Variants in TEX15 observed in about 807,000 individuals in gnomAD.
TEX15 encodes the protein testis-expressed protein 15.
A neutral mutation model predicts 237.3 loss-of-function variants in TEX15; 171 were observed. The ratio of observed to expected loss-of-function variants is 0.72; its 90% CI spans 0.64 to 0.82. The LOEUF (loss-of-function observed/expected upper bound fraction) is 0.82, where lower values mean the gene tolerates loss of function less well. Among genes scored for constraint, TEX15 ranks in the 40% least tolerant of loss-of-function variants. The pLI, the probability that TEX15 is intolerant of heterozygous loss-of-function variation, is 0.00. For missense variants in TEX15, 3,750 were observed against 3,646.5 expected (o/e 1.03, Z -0.73); for synonymous variants, 1,338 against 1,269.8 (o/e 1.05, Z -1.14).
chr8:30,849,370 T>C, intron 7 of TEX15, 54 bp from the exon 8 acceptor site: 1 of 990,374 alleles, frequency 1.0e-6, no homozygotes, highest in Non-Finnish European at 1.4e-6. Flanking sequence ...TATAGACAAC[T>C]ATTAATACAG....
Position 30,844,374 on chromosome 8 carries a change from A to G in TEX15, c.5793T>C (p.Ser1931=). 6.2e-7 allele frequency: 1 copy of G among 1,610,022 alleles called. No individual in the cohort carries two copies. Among genetic ancestry groups the G allele is most frequent in the Non-Finnish European group, 8.5e-7 (1 of 1,178,506 alleles). The change falls in exon 8 of 11, where the codon AGT becomes AGC. Residue 1931 remains serine (S), a synonymous_variant. Coordinates refer to ENST00000643185, the MANE Select transcript of TEX15 (RefSeq NM_001350162.2). ...ATGTCAAGTCAGACTGCGAGTCTTT[A>G]CTAACTTTAATTTCCCCCTTCTTCT... The part of the protein sequence containing the change: ...KREKKGEIKV[S]KDSQSDLTLH...
At chr8:30,902,715 T>C (rs1408619187) in intron 1 of TEX15, among the ~76,000 whole-genome samples, 1 of 152,212 alleles carries the variant, frequency 6.6e-6, no homozygotes, top group Non-Finnish European at 1.5e-5. Context: ...GAGGGCTTAT[T>C]AAAATACAGA....
Position 30,843,392 on chromosome 8 carries a change from G to A in TEX15, c.6775C>T (p.Arg2259Cys), listed in dbSNP as rs768367151. The A allele has an allele frequency of 2.4e-5, 38 of 1,612,728 alleles. No individual in the cohort carries two copies. Among genetic ancestry groups the A allele is most frequent in the South Asian group, 5.5e-5 (5 of 91,046 alleles). ...VNFIKNNEAV[R>C]VKISLYGLEH... The stretch of plus-strand genomic sequence containing the variant: ...AGACCATAAAGAGATATTTTAACAC[G>A]TACTGCCTCGTTGTTCTTAATAAAA... Residue 2259 changes from arginine (R) to cysteine (C), a missense_variant, in exon 8 of 11, where the codon CGT becomes TGT. Transcript: ENST00000643185.
intron 1 of TEX15, among the ~76,000 whole-genome samples, chr8:30,905,014 C>A (rs750550735): frequency 2.6e-5 from 4 of 152,094 alleles, no homozygotes; most frequent in Admixed American, 6.6e-5. Flanking sequence ...TAGGTACTTA[C>A]ATTAAATGTG....
In TEX15 at chr8:30,843,062, T is replaced by C. The variant is rs1297592101; in HGVS notation, c.7105A>G (p.Ile2369Val). ...FNSNLLAHPD[I>V]CCISEILDQA... Reference sequence around the variant, plus strand: ...TCCAATATCTCACTAATACAACAAATATCTGGGTGTGCAAGCAAATTACTG... The same window carrying C: ...TCCAATATCTCACTAATACAACAAACATCTGGGTGTGCAAGCAAATTACTG... The change falls in exon 8 of 11, where the codon ATT becomes GTT. Residue 2369 changes from isoleucine (I) to valine (V), a missense_variant. Physicochemically the swap from Ile to Val is conservative, Grantham distance 29. Transcript: ENST00000643185. 6 of 1,613,470 alleles carry C rather than the reference T, an allele frequency of 3.7e-6. No individual in the cohort carries two copies. Among genetic ancestry groups the C allele is most frequent in the East Asian group, 4.5e-5 (2 of 44,834 alleles).
intron 7 of TEX15, among the ~76,000 whole-genome samples, chr8:30,850,557 T>G (rs1484026176): frequency 6.6e-6 from 1 of 152,202 alleles, no homozygotes; most frequent in African/African-American, 2.4e-5. Context: ...ATTTGTGATT[T>G]TATTACTTAC....
chr8:30,877,894 G>C (rs900747763), intron 3 of TEX15, among the ~76,000 whole-genome samples: 1 of 152,054 alleles, frequency 6.6e-6, no homozygotes, highest in Admixed American at 6.6e-5. Context: ...ATCACCCTAA[G>C]ATACAGAACT....
Position 30,837,158 on chromosome 8 carries a change from A to G in TEX15, c.9126T>C (p.Ser3042=), listed in dbSNP as rs1169473023. 1.9e-6 allele frequency: 3 copies of G among 1,614,094 alleles called. No homozygotes were observed. Among genetic ancestry groups the G allele is most frequent in the East Asian group, 2.2e-5 (1 of 44,870 alleles). The change falls in exon 10 of 11, where the codon TCT becomes TCC. Residue 3042 remains serine (S), a synonymous_variant. Transcript: ENST00000643185. ...EHLFGTSYPY[S]AWCVYQYSNS... is the part of the protein sequence containing the mutation. ...TGCTGTACTGATAAACACACCAAGC[A>G]GAGTATGGATATGAAGTTCCAAATA...
intron 3 of TEX15, among the ~76,000 whole-genome samples, chr8:30,884,177 T>C (rs1808597162): frequency 6.6e-6 from 1 of 152,230 alleles, no homozygotes; most frequent in Non-Finnish European, 1.5e-5. Flanking sequence ...CACCAGCATC[T>C]ATTGTTTCTT....
In TEX15 at chr8:30,847,235, A is replaced by G. The variant is rs775490733; in HGVS notation, c.2932T>C (p.Cys978Arg). ...TFPKTASSSVCVASNAAIQIA... is the reference protein window; with the variant it reads ...TFPKTASSSVRVASNAAIQIA... ...TGTATTGCAGCATTTGAGGCTACAC[A>G]CACTGAAGAACTTGCAGTTTTGGGA... is the stretch of plus-strand genomic sequence containing the variant. Residue 978 changes from cysteine to arginine, a missense_variant, in exon 8 of 11, where the codon TGT (cysteine) becomes CGT (arginine). By Grantham distance (180) the Cys-to-Arg change is radical. Coordinates refer to ENST00000643185, the MANE Select transcript of TEX15 (RefSeq NM_001350162.2). 4 of 1,613,886 alleles carry G rather than the reference A, an allele frequency of 2.5e-6. No homozygotes were observed. The highest frequency in any genetic ancestry group is 3.3e-5 in the Admixed American group (2 of 59,988).
chr8:30,838,285 T>A (rs796492367), intron 9 of TEX15, among the ~76,000 whole-genome samples: 9 of 152,280 alleles, frequency 5.9e-5, no homozygotes, highest in African/African-American at 2.2e-4. Flanking sequence ...ATTTTAAATA[T>A]ATTTCCAATA....
At chr8:30,872,706 T>C (rs1352057864) in intron 4 of TEX15, among the ~76,000 whole-genome samples, 1 of 152,024 alleles carries the variant, frequency 6.6e-6, no homozygotes, top group African/African-American at 2.4e-5. Flanking sequence ...TAGGCTTATG[T>C]GTGTGTTTGT....
At chr8:30,912,456 G>T (rs998744416) in intron 1 of TEX15, among the ~76,000 whole-genome samples, 1 of 152,208 alleles carries the variant, frequency 6.6e-6, no homozygotes, top group Non-Finnish European at 1.5e-5. Flanking sequence ...CAGGGAGCCA[G>T]GGCGAGGCGG....
intron 7 of TEX15, among the ~76,000 whole-genome samples, chr8:30,850,583 A>G (rs892145655): frequency 6.6e-6 from 1 of 152,222 alleles, no homozygotes; most frequent in African/African-American, 2.4e-5. Flanking sequence ...GCTATCATGG[A>G]AATATGACCA....
chr8:30,860,205 C>T (rs77923393), intron 5 of TEX15, 148 bp from the exon 6 acceptor site: 12,530 of 624,134 alleles, frequency 0.02, 158 homozygotes, highest in Middle Eastern at 0.028. Context: ...GTTGCAGGCT[C>T]GACCTCTCAG....
At chr8:30,852,231 G>A (rs1441543565) in intron 7 of TEX15, among the ~76,000 whole-genome samples, 5 of 142,590 alleles carry the variant, frequency 3.5e-5, no homozygotes, top group East Asian at 2.2e-4. Context: ...CAGCCTCTCC[G>A]AGTAGCTGGG....
chr8:30,872,069 T>C (rs1353457324), intron 4 of TEX15, among the ~76,000 whole-genome samples: 3 of 152,062 alleles, frequency 2.0e-5, no homozygotes, highest in Admixed American at 1.3e-4. Flanking sequence ...GTTCAGACAA[T>C]GGGTGAGAGT....
chr8:30,878,369 C>A (rs1432425089), intron 3 of TEX15, among the ~76,000 whole-genome samples: 6 of 151,796 alleles, frequency 4.0e-5, no homozygotes, highest in Non-Finnish European at 8.8e-5. Context: ...GATCATATGG[C>A]AGTTGCATGC....
At chr8:30,892,480 T>A (rs1399906029) in intron 2 of TEX15, among the ~76,000 whole-genome samples, 2 of 152,326 alleles carry the variant, frequency 1.3e-5, no homozygotes, top group East Asian at 3.9e-4. Context: ...ATTAGGCCTA[T>A]CTAACAATAA....
Sources: allele counts gnomAD v4.1 joint callset (sites outside exome capture counted in the v4.1 genomes callset), GRCh38; gene constraint gnomAD v4.1.1; transcripts MANE v1.5; gene names NCBI Gene and HGNC (gene_info 2026-07-23, HGNC 2026-07-21).